Variants in HIC1 observed in about 807,000 individuals in gnomAD.
HIC1 encodes the protein HIC ZBTB transcriptional repressor 1.
Under a neutral mutation model 26.4 loss-of-function variants are expected in HIC1, and 9 were observed. The ratio of observed to expected loss-of-function variants is 0.34; its 90% CI spans 0.21 to 0.59. The LOEUF is 0.59. Ranked by LOEUF, HIC1 falls within the 20% of genes least tolerant of loss-of-function variation. The pLI is 0.82. For synonymous variants in HIC1, 631 were observed against 523.1 expected, an observed-to-expected ratio of 1.21 and a Z score of -2.81; for missense variants, 965 against 1,075.7, an observed-to-expected ratio of 0.90 and a Z score of 1.44.
intron 1 of HIC1, 113 bp from the exon 2 acceptor site, chr17:2,056,558 C>A: frequency 7.0e-7 from 1 of 1,425,530 alleles, no homozygotes; most frequent in Non-Finnish European, 9.3e-7. Context: ...GGCCGCAGGG[C>A]TGATGCCCCC....
intron 1 of HIC1, 125 bp from the exon 2 acceptor site, chr17:2,056,546 C>G: frequency 7.1e-7 from 1 of 1,405,106 alleles, no homozygotes; most frequent in Non-Finnish European, 9.5e-7. Context: ...CGCCGGTGCC[C>G]AGGCCGCAGG....
At position 2,058,176 on chromosome 17, in the gene HIC1, A is replaced by T; in HGVS notation, c.1486A>T (p.Ser496Cys). Residue 496 changes from serine to cysteine, a missense_variant, in exon 2 of 2, where the codon AGC becomes TGC. Ser to Cys is a moderately radical substitution (Grantham distance 112, BLOSUM62 -1). Around this residue, in one of 6 missense-constraint regions of HIC1, gnomAD observed 105 missense variants for 101.4 expected, o/e 1.04. Transcript: ENST00000619757. ...RPYRCASCDK[S>C]YKDPATLRQH... ...CTACCGCTGCGCGTCGTGCGACAAG[A>T]GCTACAAGGACCCGGCCACGCTGCG... 6.2e-7 allele frequency: 1 copy of T among 1,610,768 alleles called. No homozygotes were observed. The highest frequency in any genetic ancestry group is 8.5e-7 in the Non-Finnish European group (1 of 1,179,756).
rs1258968912 is a variant in HIC1 at position 2,057,088 on chromosome 17, A to T, written c.398A>T (p.His133Leu). 7.2e-7 allele frequency: 1 copy of T among 1,391,174 alleles called. No individual in the cohort carries two copies. 86.2% of individuals were successfully genotyped at this position (1,391,174 alleles called of 1,614,324 possible). ...CTGTGCAAGAAACGCCTCAAGCGCCACGGCAAGTACTGCCACCTGCGGGGC... is the reference window on the plus strand; with the variant it reads ...CTGTGCAAGAAACGCCTCAAGCGCCTCGGCAAGTACTGCCACCTGCGGGGC... Reference protein sequence around the residue: ...VALCKKRLKRHGKYCHLRGGG... With the variant: ...VALCKKRLKRLGKYCHLRGGG... The change falls in exon 2 of 2, where the codon CAC becomes CTC. Residue 133 changes from histidine (H) to leucine (L), a missense_variant. This residue lies in a region of HIC1 where 526 missense variants were observed against 525.0 expected (regional missense o/e 1.00). Coordinates refer to ENST00000619757, the MANE Select transcript of HIC1 (RefSeq NM_006497.4).
Position 2,061,634 on chromosome 17 carries a change from A to T in HIC1, c.*2799A>T. On this transcript the variant is annotated 3_prime_UTR_variant, in exon 2 of 2. Transcript: ENST00000619757. ...CCGGATTGGCTCCTCTGTGGGCATG[A>T]GAGAGCAGAAGGCTGTCACTGAGGA... is the stretch of plus-strand genomic sequence containing the variant. 6.4e-7 allele frequency: 1 copy of T among 1,566,036 alleles called. No homozygotes were observed. The highest frequency in any genetic ancestry group is 8.7e-7 in the Non-Finnish European group (1 of 1,155,302).
Position 2,056,654 on chromosome 17 carries a change from G to C in HIC1, c.-20-17G>C. The C allele has an allele frequency of 6.6e-7, 1 of 1,526,472 alleles. No homozygotes were observed. Among genetic ancestry groups the C allele is most frequent in the Non-Finnish European group, 8.8e-7 (1 of 1,132,872 alleles). The allele number at this position is 1,526,472 out of a possible 1,614,324, so 94.6% of individuals were successfully genotyped here. A position where few individuals can be genotyped will look rare whatever the true frequency, so the allele number is the denominator to read the frequency against. On this transcript the variant is annotated splice_polypyrimidine_tract_variant and intron_variant, in intron 1 of 1. Coordinates refer to ENST00000619757, the MANE Select transcript of HIC1 (RefSeq NM_006497.4). ...GGCGCCGCACGGCTCTCACCCGGCC[G>C]GTGTGTGTCCCCGCAGGAGAGTGTG...
Position 2,057,106 on chromosome 17 carries a change from T to C in HIC1, c.416T>C (p.Leu139Pro), listed in dbSNP as rs1362105584. ...AAGCGCCACGGCAAGTACTGCCACC[T>C]GCGGGGCGGCGGCGGCGGCGGCGGC... ...RLKRHGKYCH[L>P]RGGGGGGGGY... The change falls in exon 2 of 2, where the codon CTG becomes CCG. Residue 139 changes from leucine (L) to proline (P), a missense_variant. This residue lies in a region of HIC1 where 526 missense variants were observed against 525.0 expected (regional missense o/e 1.00). Coordinates refer to ENST00000619757, the MANE Select transcript of HIC1 (RefSeq NM_006497.4). 2 of 1,337,116 alleles carry C rather than the reference T, an allele frequency of 1.5e-6. No homozygotes were observed. The highest frequency in any genetic ancestry group is 1.9e-6 in the Non-Finnish European group (2 of 1,052,588). The allele number at this position is 1,337,116 out of a possible 1,614,324, so 82.8% of individuals were successfully genotyped here.
rs912517491 is a variant in HIC1, at chr17:2,060,381, G to C, written c.*1546G>C. On this transcript the variant is annotated 3_prime_UTR_variant, in exon 2 of 2. Coordinates refer to ENST00000619757, the MANE Select transcript of HIC1 (RefSeq NM_006497.4). The stretch of plus-strand genomic sequence containing the variant: ...AAAGCTAGAAACCAGGTTAGGCGAC[G>C]GTGCCCCAGCACTGGAATGCCTCAG... 4 of 152,256 alleles carry C rather than the reference G, an allele frequency of 2.6e-5. No homozygotes were observed. The highest frequency in any genetic ancestry group is 4.8e-5 in the African/African-American group (2 of 41,450). The allele number at this position is 152,256 out of a possible 1,614,324, so 9.4% of individuals were successfully genotyped here. A position where few individuals can be genotyped will look rare whatever the true frequency, so the allele number is the denominator to read the frequency against.
chr17:2,059,603 A>AT lies in HIC1; in HGVS notation c.*771dup, dbSNP rs1449079538. ...TTAGCTCCCTCCTCTTCGTTTGTAT[A>AT]TTTCCTACCTTGTACACAGGCTCTT... is the stretch of plus-strand genomic sequence containing the variant. On this transcript the variant is annotated 3_prime_UTR_variant, in exon 2 of 2. Transcript: ENST00000619757. The AT allele has an allele frequency of 1.8e-5, 3 of 166,854 alleles. No individual in the cohort carries two copies. The highest frequency in any genetic ancestry group is 4.4e-5 in the Non-Finnish European group (3 of 68,102). 10.3% of individuals were successfully genotyped at this position (166,854 alleles called of 1,614,324 possible). A position where few individuals can be genotyped will look rare whatever the true frequency, so the allele number is the denominator to read the frequency against.
At position 2,058,603 on chromosome 17, in the gene HIC1, C is replaced by G; in HGVS notation, c.1913C>G (p.Ala638Gly). 2 of 1,552,498 alleles carry G rather than the reference C, an allele frequency of 1.3e-6. No individual in the cohort carries two copies. Among genetic ancestry groups the G allele is most frequent in the South Asian group, 2.4e-5 (2 of 84,402 alleles). The change falls in exon 2 of 2, where the codon GCC becomes GGC. Residue 638 changes from alanine (A) to glycine (G), a missense_variant. By Grantham distance (60) the Ala-to-Gly change is moderately conservative. Coordinates refer to ENST00000619757, the MANE Select transcript of HIC1 (RefSeq NM_006497.4). ...EGVFAVARLT[A>G]EQLSLKQQDK... ...GTCTTTGCTGTGGCTCGCCTCACGG[C>G]CGAGCAGCTGAGCCTGAAGCAGCAG...
In HIC1 at chr17:2,058,346, G is replaced by A. The variant is rs769789475; in HGVS notation, c.1656G>A (p.Arg552=). Residue 552 remains arginine, a synonymous_variant, in exon 2 of 2, where the codon CGG becomes CGA. Transcript: ENST00000619757. Reference sequence around the variant, plus strand: ...TCGCGTGCGACGCGTGCGGCATGCGGTTCACGCGCCAGTACCGCCTCACGG... The same window carrying A: ...TCGCGTGCGACGCGTGCGGCATGCGATTCACGCGCCAGTACCGCCTCACGG... The part of the protein sequence containing the change: ...KPFACDACGM[R]FTRQYRLTEH... The A allele has an allele frequency of 4.3e-6, 7 of 1,610,142 alleles. No homozygotes were observed. The South Asian group carries it at 6.6e-5, about 15-fold the overall frequency.
Position 2,061,329 on chromosome 17 carries a change from G to A in HIC1, c.*2494G>A, listed in dbSNP as rs1047302015. The A allele has an allele frequency of 5.8e-6, 4 of 686,186 alleles. No homozygotes were observed. The highest frequency in any genetic ancestry group is 5.4e-5 in the African/African-American group (3 of 55,446). The allele number at this position is 686,186 out of a possible 1,614,324, so 42.5% of individuals were successfully genotyped here. ...CGATCCTTGGGAGGGGCTCTGTGAGGAGCAGGTCCCCCACAGCATGGCCGT... is the reference window on the plus strand; with the variant it reads ...CGATCCTTGGGAGGGGCTCTGTGAGAAGCAGGTCCCCCACAGCATGGCCGT... On this transcript the variant is annotated 3_prime_UTR_variant, in exon 2 of 2. Transcript: ENST00000619757.
rs1485838422 is a variant in HIC1, at chr17:2,059,313, ACCCCCGCT to A, written c.*482_*489del. The A allele has an allele frequency of 6.2e-6, 1 of 161,794 alleles. No homozygotes were observed. The highest frequency in any genetic ancestry group is 2.5e-5 in the African/African-American group (1 of 39,384). The allele number at this position is 161,794 out of a possible 1,614,324, so 10.0% of individuals were successfully genotyped here. ...CTGAGCCGGCCGGAGGGCCCCCCGC[ACCCCCGCT>A]CCCACCCACCCCGGGACTGATAATG... On this transcript the variant is annotated 3_prime_UTR_variant, in exon 2 of 2. Transcript: ENST00000619757.
In HIC1 at chr17:2,058,525, TC is replaced by T; in HGVS notation, c.1839del (p.Gly614AlafsTer28). 1 of 1,493,350 alleles carries T rather than the reference TC, an allele frequency of 6.7e-7. No individual in the cohort carries two copies. Among genetic ancestry groups the T allele is most frequent in the South Asian group, 1.3e-5 (1 of 76,860 alleles). The allele number at this position is 1,493,350 out of a possible 1,614,324, so 92.5% of individuals were successfully genotyped here. ...AAGALAGLGG[L>X]PGVPGPDGKG... ...GGGGCGCTGGCGGGCTTGGGGGGGC[TC>T]CCCGGCGTCCCCGGCCCCGACGGCA... On this transcript the variant is annotated frameshift_variant, in exon 2 of 2. Transcript: ENST00000619757. LOFTEE classifies it high-confidence loss of function.
At position 2,056,276 on chromosome 17, in the gene HIC1, T is replaced by C. The variant is rs546317946; in HGVS notation, c.-20-395T>C. 20 of 1,601,212 alleles carry C rather than the reference T, an allele frequency of 1.2e-5. No homozygotes were observed. In the South Asian group the frequency reaches 1.9e-4, roughly 15 times the overall value. ...GGGAGGCGCTGGTTCCTCGGCTCCC[T>C]TTCTCCCTACTTGGGTAAAGTTCTC... On this transcript the variant is annotated intron_variant, in intron 1 of 1. Transcript: ENST00000619757.
rs2067717312 is a variant in HIC1, at chr17:2,059,609, T to A, written c.*774T>A. On this transcript the variant is annotated 3_prime_UTR_variant, in exon 2 of 2. Coordinates refer to ENST00000619757, the MANE Select transcript of HIC1 (RefSeq NM_006497.4). ...CCCTCCTCTTCGTTTGTATATTTCCTACCTTGTACACAGGCTCTTCCAGAG... is the reference window on the plus strand; with the variant it reads ...CCCTCCTCTTCGTTTGTATATTTCCAACCTTGTACACAGGCTCTTCCAGAG... 6.0e-6 allele frequency: 1 copy of A among 167,076 alleles called. No individual in the cohort carries two copies. The highest frequency in any genetic ancestry group is 1.5e-5 in the Non-Finnish European group (1 of 68,142). The allele number at this position is 167,076 out of a possible 1,614,324, so 10.3% of individuals were successfully genotyped here.
chr17:2,056,219 C>T, intron 1 of HIC1: 1 of 1,134,514 alleles, frequency 8.8e-7, no homozygotes. Context: ...CTCCGTATCA[C>T]TTCCCCCAAC....
chr17:2,061,790 TC>T lies in HIC1; in HGVS notation c.*2959del. The stretch of plus-strand genomic sequence containing the variant: ...TCCGGGCTCTCAGCCCCGGGGACCC[TC>T]CCCTGCTGGCCTAGAGAGGGCTGCA... On this transcript the variant is annotated 3_prime_UTR_variant, in exon 2 of 2. Transcript: ENST00000619757. 1.3e-6 allele frequency: 1 copy of T among 751,614 alleles called. No individual in the cohort carries two copies. The allele number at this position is 751,614 out of a possible 1,614,324, so 46.6% of individuals were successfully genotyped here. A position where few individuals can be genotyped will look rare whatever the true frequency, so the allele number is the denominator to read the frequency against.
At chr17:2,056,301 C>G in intron 1 of HIC1, 1 of 1,612,764 alleles carries the variant, frequency 6.2e-7, no homozygotes, top group Non-Finnish European at 8.5e-7. Flanking sequence ...GTAAAGTTCT[C>G]CGCCCTGAAT....
chr17:2,061,750 C>T lies in HIC1; in HGVS notation c.*2915C>T. On this transcript the variant is annotated 3_prime_UTR_variant, in exon 2 of 2. Transcript: ENST00000619757. ...GCTAGCCGTGTCTTGGCTCTTCTACCAGTCCTTTCCTCCGTCCGGGCTCTC... is the reference window on the plus strand; with the variant it reads ...GCTAGCCGTGTCTTGGCTCTTCTACTAGTCCTTTCCTCCGTCCGGGCTCTC... 1 of 1,088,908 alleles carries T rather than the reference C, an allele frequency of 9.2e-7. No individual in the cohort carries two copies. The highest frequency in any genetic ancestry group is 1.3e-6 in the Non-Finnish European group (1 of 759,894). 67.5% of individuals were successfully genotyped at this position (1,088,908 alleles called of 1,614,324 possible).
Sources: allele counts gnomAD v4.1 joint callset, GRCh38; gene constraint gnomAD v4.1.1; regional missense constraint gnomAD v4.1.1; transcripts MANE v1.5; gene names NCBI Gene and HGNC (gene_info 2026-07-23, HGNC 2026-07-21).